PRLR: variants seen among roughly 807,000 people sequenced by gnomAD.
PRLR encodes prolactin receptor.
PRLR carries 13 observed loss-of-function variants against 40.2 expected under a neutral mutation model. The observed-to-expected ratio is 0.32, with a 90% CI of 0.21 to 0.51. PRLR has a LOEUF of 0.51. PRLR is among the 20% of genes least tolerant of loss of function. PRLR has a pLI of 0.97. For synonymous variants in PRLR, 269 were observed against 278.7 expected (o/e 0.97, Z 0.35); for missense variants, 656 against 747.3 (o/e 0.88, Z 1.42).
chr5:35,153,875 G>T (rs762726737), intron 1 of PRLR, among the ~76,000 whole-genome samples: 3 of 151,872 alleles, frequency 2.0e-5, no homozygotes, highest in Non-Finnish European at 2.9e-5. Flanking sequence ...GTCCTGAGAA[G>T]GATCCCAACC....
chr5:35,147,351 A>G (rs1399159579), intron 1 of PRLR, among the ~76,000 whole-genome samples: 4 of 152,176 alleles, frequency 2.6e-5, no homozygotes, highest in Non-Finnish European at 5.9e-5. Flanking sequence ...GCCTTCTCAG[A>G]TTCACAGAGG....
At chr5:35,168,624 A>G (rs529751083) in intron 1 of PRLR, among the ~76,000 whole-genome samples, 1 of 152,280 alleles carries the variant, frequency 6.6e-6, no homozygotes, top group East Asian at 1.9e-4. Flanking sequence ...GAGCAATCAC[A>G]ACAGAAATTT....
chr5:35,189,574 C>T lies in PRLR; in HGVS notation c.-106+40694G>A, dbSNP rs559698351. On this transcript the variant is annotated intron_variant, in intron 1 of 9. Coordinates refer to ENST00000618457, the MANE Select transcript of PRLR (RefSeq NM_000949.7). ...CCAGCCTGGGTGACAGAGAGAAACT[C>T]CGTTTAAAAAAAAAAAAAAGAAAGT... Among the ~76,000 whole-genome samples, 33 of 48,474 alleles carry T rather than the reference C, an allele frequency of 6.8e-4. No homozygotes were observed. In the Middle Eastern group the frequency reaches 0.029, roughly 43 times the overall value. The allele number at this position is 48,474 out of a possible 152,430, so 31.8% of individuals were successfully genotyped here.
At chr5:35,179,492 T>C (rs1775235299) in intron 1 of PRLR, among the ~76,000 whole-genome samples, 1 of 152,202 alleles carries the variant, frequency 6.6e-6, no homozygotes, top group African/African-American at 2.4e-5. Context: ...CAATTCAGCA[T>C]GGTGGGACAA....
rs200034940 is a variant in PRLR, at chr5:35,186,270, A to T, written c.-106+43998T>A. Among the ~76,000 whole-genome samples the T allele has an allele frequency of 3.7e-4, 56 of 151,720 alleles. No individual in the cohort carries two copies. The East Asian group carries it at 5.4e-3, about 15-fold the overall frequency. The stretch of plus-strand genomic sequence containing the variant: ...TGAATTGCACTGGTTTCTTTAAAAA[A>T]ATTTTTTTTTGCTAGAAAATATAAA... On this transcript the variant is annotated intron_variant, in intron 1 of 9. Transcript: ENST00000618457.
At chr5:35,198,692 T>A (rs569149198) in intron 1 of PRLR, among the ~76,000 whole-genome samples, 106 of 152,262 alleles carry the variant, frequency 7.0e-4, no homozygotes, top group Admixed American at 1.5e-3. Flanking sequence ...AAATATATAT[T>A]TTTTTTGTTT....
intron 5 of PRLR, among the ~76,000 whole-genome samples, chr5:35,079,093 C>T (rs1033387239): frequency 3.8e-4 from 58 of 152,136 alleles, no homozygotes; most frequent in African/African-American, 1.3e-3. Flanking sequence ...AAACCCACAG[C>T]CAATATCATA....
intron 1 of PRLR, among the ~76,000 whole-genome samples, chr5:35,211,226 T>G (rs944969650): frequency 2.0e-5 from 3 of 152,218 alleles, no homozygotes; most frequent in East Asian, 3.8e-4. Context: ...CTAAATCCCC[T>G]GCACTTTCTC....
intron 2 of PRLR, among the ~76,000 whole-genome samples, chr5:35,106,968 A>G (rs891807179): frequency 1.3e-5 from 2 of 152,206 alleles, no homozygotes; most frequent in Non-Finnish European, 2.9e-5. Flanking sequence ...TTGACCACAT[A>G]GTTGGAAGTA....
chr5:35,068,146 G>C (rs78373811), intron 9 of PRLR, 70 bp downstream of exon 9: 74,363 of 1,365,996 alleles, frequency 0.054, 3,070 homozygotes, highest in African/African-American at 0.19. Context: ...CGGGGACTGT[G>C]TGTGAGTGTG....
intron 1 of PRLR, among the ~76,000 whole-genome samples, chr5:35,223,455 A>G (rs780030225): frequency 6.6e-6 from 1 of 152,038 alleles, no homozygotes; most frequent in Non-Finnish European, 1.5e-5. Flanking sequence ...ATTCTGATGT[A>G]AAGCTCAGAT....
intron 1 of PRLR, among the ~76,000 whole-genome samples, chr5:35,199,154 C>T (rs1180557660): frequency 2.0e-5 from 3 of 149,764 alleles, no homozygotes; most frequent in African/African-American, 7.3e-5. Flanking sequence ...GTTACAGAGG[C>T]TCATGCAGTT....
chr5:35,111,097 T>C (rs766587366), intron 2 of PRLR, among the ~76,000 whole-genome samples: 48 of 152,270 alleles, frequency 3.2e-4, no homozygotes, highest in Non-Finnish European at 5.7e-4. Flanking sequence ...ATTCAATAAA[T>C]GGTTCTGAAT....
At chr5:35,222,287 G>A (rs562825065) in intron 1 of PRLR, among the ~76,000 whole-genome samples, 1 of 141,460 alleles carries the variant, frequency 7.1e-6, no homozygotes, top group Non-Finnish European at 1.5e-5. Context: ...TGGAGACAGA[G>A]CAAGACTCCA....
rs1316545404 is a variant in PRLR at position 35,061,092 on chromosome 5, C to T, written c.*3997G>A. The T allele has an allele frequency of 6.6e-6, 1 of 152,068 alleles. No individual in the cohort carries two copies. Among genetic ancestry groups the T allele is most frequent in the Admixed American group, 6.6e-5 (1 of 15,262 alleles). 9.4% of individuals were successfully genotyped at this position (152,068 alleles called of 1,614,324 possible). On this transcript the variant is annotated 3_prime_UTR_variant, in exon 10 of 10. Coordinates refer to ENST00000618457, the MANE Select transcript of PRLR (RefSeq NM_000949.7). ...TGTGCCCTTTCTGGCTTCTTCTCAT[C>T]TCTCCATTCATACATATCTATATCT...
intron 2 of PRLR, among the ~76,000 whole-genome samples, chr5:35,102,903 T>C (rs901874497): frequency 7.9e-5 from 12 of 152,184 alleles, no homozygotes; most frequent in African/African-American, 2.9e-4. Context: ...TTCTCACTTT[T>C]GTTAGCTGAC....
intron 1 of PRLR, among the ~76,000 whole-genome samples, chr5:35,154,915 C>A (rs1258711231): frequency 6.6e-6 from 1 of 151,044 alleles, no homozygotes; most frequent in Non-Finnish European, 1.5e-5. Context: ...CATGTTTTCA[C>A]TTATTAGTGG....
chr5:35,151,350 C>T (rs896746089), intron 1 of PRLR, among the ~76,000 whole-genome samples: 1 of 152,170 alleles, frequency 6.6e-6, no homozygotes, highest in Non-Finnish European at 1.5e-5. Flanking sequence ...AGAACAGCTG[C>T]TCTGGAGAAT....
chr5:35,087,121 G>A (rs1770904895), intron 3 of PRLR, among the ~76,000 whole-genome samples: 1 of 152,230 alleles, frequency 6.6e-6, no homozygotes, highest in East Asian at 1.9e-4. Flanking sequence ...CTCCTGAGCA[G>A]CTGGGATTAC....
Sources: gnomAD v4.1 joint callset for allele counts (sites outside exome capture counted in the v4.1 genomes callset) on GRCh38, gnomAD v4.1.1 for gene constraint, MANE v1.5 for transcripts, NCBI Gene and HGNC (gene_info 2026-07-23, HGNC 2026-07-21) for gene names.